DNAJB7: variants seen among roughly 807,000 people sequenced by gnomAD.
DNAJB7 encodes the protein DnaJ heat shock protein family (Hsp40) member B7, also known as dnaJ homolog subfamily B member 7.
In DNAJB7, 1 loss-of-function variant was observed where a neutral mutation model predicts 1.2. That is an observed-to-expected ratio of 0.84 (90% CI 0.30 to 4.01). The LOEUF (loss-of-function observed/expected upper bound fraction) is 4.01. Among genes scored for constraint, DNAJB7 ranks in the 30% most tolerant of loss-of-function variants. The pLI is 0.18. For synonymous variants in DNAJB7, 128 were observed against 127.7 expected (o/e 1.00, Z -0.01); for missense variants, 420 against 358.5 (o/e 1.17, Z -1.39).
Position 40,861,913 on chromosome 22 carries a change from G to A in DNAJB7, c.82C>T (p.Leu28Phe). Residue 28 changes from leucine (L) to phenylalanine (F), a missense_variant, in exon 1 of 1, where the codon CTT (leucine) becomes TTT (phenylalanine). Physicochemically the swap from Leu to Phe is conservative, Grantham distance 22. Transcript: ENST00000307221. ...GGATTTTTATCAGGGTGCCATTTAA[G>A]TGCCACTTTATGATAAGCTTTTTTA... The part of the protein sequence containing the change: ...DIKKAYHKVA[L>F]KWHPDKNPEN... 2.5e-6 allele frequency: 4 copies of A among 1,613,662 alleles called. No homozygotes were observed. The highest frequency in any genetic ancestry group is 3.4e-6 in the Non-Finnish European group (4 of 1,179,946).
chr22:40,859,733 A>T lies in DNAJB7; in HGVS notation c.*1332T>A, dbSNP rs1360158518. On this transcript the variant is annotated 3_prime_UTR_variant, in exon 1 of 1. Coordinates refer to ENST00000307221, the MANE Select transcript of DNAJB7 (RefSeq NM_145174.2). ...TCTTTTAAAAATAGCAGATATTATA[A>T]TTTTTTTCTAATTTCGCATTTGTAT... 2 of 152,156 alleles carry T rather than the reference A, an allele frequency of 1.3e-5. No homozygotes were observed. Among genetic ancestry groups the T allele is most frequent in the Non-Finnish European group, 2.9e-5 (2 of 68,020 alleles). 9.4% of individuals were successfully genotyped at this position (152,156 alleles called of 1,614,324 possible). A position where few individuals can be genotyped will look rare whatever the true frequency, so the allele number is the denominator to read the frequency against.
At position 40,860,877 on chromosome 22, in the gene DNAJB7, C is replaced by G; in HGVS notation, c.*188G>C. Reference sequence around the variant, plus strand: ...TACTGCCCAGGCAAATTCTTATTAGCACCAACTGTCACCACAAACTCATCC... The same window carrying G: ...TACTGCCCAGGCAAATTCTTATTAGGACCAACTGTCACCACAAACTCATCC... On this transcript the variant is annotated 3_prime_UTR_variant, in exon 1 of 1. Coordinates refer to ENST00000307221, the MANE Select transcript of DNAJB7 (RefSeq NM_145174.2). The G allele has an allele frequency of 1.5e-6, 1 of 665,588 alleles. No homozygotes were observed. Among genetic ancestry groups the G allele is most frequent in the Non-Finnish European group, 2.5e-6 (1 of 407,194 alleles). 41.2% of individuals were successfully genotyped at this position (665,588 alleles called of 1,614,324 possible).
rs2057940054 is a variant in DNAJB7, at chr22:40,860,901, C to T, written c.*164G>A. The T allele has an allele frequency of 2.8e-6, 2 of 703,718 alleles. No homozygotes were observed. Among genetic ancestry groups the T allele is most frequent in the Non-Finnish European group, 4.6e-6 (2 of 439,454 alleles). The allele number at this position is 703,718 out of a possible 1,614,324, so 43.6% of individuals were successfully genotyped here. A position where few individuals can be genotyped will look rare whatever the true frequency, so the allele number is the denominator to read the frequency against. On this transcript the variant is annotated 3_prime_UTR_variant, in exon 1 of 1. Coordinates refer to ENST00000307221, the MANE Select transcript of DNAJB7 (RefSeq NM_145174.2). Reference sequence around the variant, plus strand: ...GCACCAACTGTCACCACAAACTCATCCTTTTCTGACATACCCATTCAAAAA... The same window carrying T: ...GCACCAACTGTCACCACAAACTCATTCTTTTCTGACATACCCATTCAAAAA...
rs202011264 is a variant in DNAJB7 at position 40,860,656 on chromosome 22, C to CTTT, written c.*406_*408dup. On this transcript the variant is annotated 3_prime_UTR_variant, in exon 1 of 1. Transcript: ENST00000307221. The stretch of plus-strand genomic sequence containing the variant: ...AAACTCATTGCAGTTTTCCAAATTC[C>CTTT]TTTTTTTTTTTTTTAAGACAGGGTC... 4.3e-5 allele frequency: 49 copies of CTTT among 1,130,960 alleles called. No homozygotes were observed. Among genetic ancestry groups the CTTT allele is most frequent in the South Asian group, 1.0e-4 (6 of 59,974 alleles). The allele number at this position is 1,130,960 out of a possible 1,614,324, so 70.1% of individuals were successfully genotyped here.
At chr22:40,861,271 G>A in the DNAJB7 span, 19 of 1,614,130 alleles carry the variant, frequency 1.2e-5, no homozygotes, top group South Asian at 2.0e-4. Context: ...TTGAATGACT[G>A]TGTTCTCCAG....
In DNAJB7 at chr22:40,861,285, C is replaced by T. The variant is rs766378570; in HGVS notation, c.710G>A (p.Cys237Tyr). 2.2e-5 allele frequency: 36 copies of T among 1,614,148 alleles called. 1 individual carries two copies. The South Asian group carries it at 3.7e-4, about 17-fold the overall frequency. The change falls in exon 1 of 1, where the codon TGC (cysteine) becomes TAC (tyrosine). Residue 237 changes from cysteine to tyrosine, a missense_variant. Transcript: ENST00000307221. ...GTTGAATGACTGTGTTCTCCAGCTG[C>T]ATTCTTTTGCAAAGCCCTCTTCATT... ...VANEEGFAKECSWRTQSFNNY... is the reference protein window; with the variant it reads ...VANEEGFAKEYSWRTQSFNNY...
Position 40,861,125 on chromosome 22 carries a change from A to G in DNAJB7, c.870T>C (p.Gly290=). 1 of 1,611,728 alleles carries G rather than the reference A, an allele frequency of 6.2e-7. No individual in the cohort carries two copies. The highest frequency in any genetic ancestry group is 8.5e-7 in the Non-Finnish European group (1 of 1,179,386). The change falls in exon 1 of 1, where the codon GGT becomes GGC. Residue 290 remains glycine (G), a synonymous_variant. Coordinates refer to ENST00000307221, the MANE Select transcript of DNAJB7 (RefSeq NM_145174.2). The part of the protein sequence containing the change: ...PIFSAGVKEG[G]KRKKKKRKEV... ...CTTTACGCTTCTTTTTTTTCCTCTT[A>G]CCACCCTCTTTGACTCCTGCTGAGA...
rs200801188 is a variant in DNAJB7, at chr22:40,861,973, G to T, written c.22C>A (p.Leu8Ile). Residue 8 changes from leucine (L) to isoleucine (I), a missense_variant, in exon 1 of 1, where the codon CTA becomes ATA. Transcript: ENST00000307221. MVDYYEV[L>I]GLQRYASPED... ...GGTGAAGCATATCTTTGCAGTCCTA[G>T]AACTTCATAGTAATCCACCATGTTT... 29 of 1,601,198 alleles carry T rather than the reference G, an allele frequency of 1.8e-5. No individual in the cohort carries two copies. The African/African-American group carries it at 2.6e-4, about 14-fold the overall frequency.
rs550634591 is a variant in DNAJB7, at chr22:40,860,797, C to T, written c.*268G>A. The T allele has an allele frequency of 2.2e-5, 14 of 650,394 alleles. No individual in the cohort carries two copies. Among genetic ancestry groups the T allele is most frequent in the African/African-American group, 5.6e-5 (3 of 53,940 alleles). 40.3% of individuals were successfully genotyped at this position (650,394 alleles called of 1,614,324 possible). ...TCCCGAGTAGCTGGGACTACAGGTG[C>T]ACACCACCACACTTGGCTAATTTTT... On this transcript the variant is annotated 3_prime_UTR_variant, in exon 1 of 1. Transcript: ENST00000307221.
Position 40,860,670 on chromosome 22 carries a change from T to TTA in DNAJB7, c.*394_*395insTA. The TTA allele has an allele frequency of 8.4e-7, 1 of 1,195,236 alleles. No homozygotes were observed. Among genetic ancestry groups the TTA allele is most frequent in the Non-Finnish European group, 1.2e-6 (1 of 866,756 alleles). 74.0% of individuals were successfully genotyped at this position (1,195,236 alleles called of 1,614,324 possible). On this transcript the variant is annotated 3_prime_UTR_variant, in exon 1 of 1. Coordinates refer to ENST00000307221, the MANE Select transcript of DNAJB7 (RefSeq NM_145174.2). ...TTTCCAAATTCCTTTTTTTTTTTTT[T>TTA]AAGACAGGGTCTTACTTTGTCACCC... is the stretch of plus-strand genomic sequence containing the variant.
chr22:40,861,851 T>G lies in DNAJB7; in HGVS notation c.144A>C (p.Glu48Asp), dbSNP rs1465381674. The stretch of plus-strand genomic sequence containing the variant: ...ATAATACCTCGTATGCCTCAGCTAC[T>G]TCTTTGAATTTTCTCTCTGCTTCTT... ...NKEEAERKFK[E>D]VAEAYEVLSN... The change falls in exon 1 of 1, where the codon GAA becomes GAC. Residue 48 changes from glutamate (E) to aspartate (D), a missense_variant. Transcript: ENST00000307221. 6.2e-7 allele frequency: 1 copy of G among 1,613,768 alleles called. No homozygotes were observed. The highest frequency in any genetic ancestry group is 8.5e-7 in the Non-Finnish European group (1 of 1,179,974).
rs2057953631 is a variant in DNAJB7, at chr22:40,862,091, G to A, written c.-97C>T. 2.0e-6 allele frequency: 3 copies of A among 1,512,820 alleles called. No individual in the cohort carries two copies. Among genetic ancestry groups the A allele is most frequent in the East Asian group, 2.3e-5 (1 of 43,908 alleles). 93.7% of individuals were successfully genotyped at this position (1,512,820 alleles called of 1,614,324 possible). ...GGTGGTGGTGATAGAGGTAGTGACT[G>A]CAAATAGGTACACTTTTATGTTAAA... On this transcript the variant is annotated 5_prime_UTR_variant, in exon 1 of 1. Transcript: ENST00000307221.
chr22:40,861,884 TTC>T, the DNAJB7 span: 3 of 1,614,050 alleles, frequency 1.9e-6, no homozygotes, highest in Non-Finnish European at 2.5e-6. Context: ...CTTCTTTATT[TTC>T]TGGATTTTTA....
chr22:40,861,340 A>G lies in DNAJB7; in HGVS notation c.655T>C (p.Leu219=), dbSNP rs2057945021. The G allele has an allele frequency of 3.1e-6, 5 of 1,613,976 alleles. No homozygotes were observed. The highest frequency in any genetic ancestry group is 4.2e-6 in the Non-Finnish European group (5 of 1,179,998). ...QEREAEDNGE[L]TFFLVNSVAN... The stretch of plus-strand genomic sequence containing the variant: ...ACACTATTTACAAGAAAAAATGTCA[A>G]CTCTCCATTATCTTCAGCTTCTCTT... The change falls in exon 1 of 1, where the codon TTG becomes CTG. Residue 219 remains leucine, a synonymous_variant. Coordinates refer to ENST00000307221, the MANE Select transcript of DNAJB7 (RefSeq NM_145174.2).
At position 40,861,735 on chromosome 22, in the gene DNAJB7, C is replaced by G. The variant is rs141187399; in HGVS notation, c.260G>C (p.Gly87Ala). 961 of 1,613,842 alleles carry G rather than the reference C, an allele frequency of 6.0e-4. 14 individuals are homozygous for G. In the East Asian group the frequency reaches 0.017, roughly 28 times the overall value. ...GSHFDDECEY[G>A]FTFHKPDDVF... ...ATCATCTGGCTTATGGAATGTGAAG[C>G]CGTACTCACATTCATCATCAAAATG... Residue 87 changes from glycine to alanine, a missense_variant, in exon 1 of 1, where the codon GGC becomes GCC. Gly to Ala is a moderately conservative substitution (Grantham distance 60). Transcript: ENST00000307221.
chr22:40,861,745 A>G lies in DNAJB7; in HGVS notation c.250T>C (p.Cys84Arg), dbSNP rs200291636. The G allele has an allele frequency of 1.1e-4, 171 of 1,613,398 alleles. 1 individual carries two copies. Among genetic ancestry groups the G allele is most frequent in the Middle Eastern group, 1.6e-4 (1 of 6,082 alleles). Residue 84 changes from cysteine to arginine, a missense_variant, in exon 1 of 1, where the codon TGT (cysteine) becomes CGT (arginine). By Grantham distance (180) the Cys-to-Arg change is radical. Coordinates refer to ENST00000307221, the MANE Select transcript of DNAJB7 (RefSeq NM_145174.2). ...NGGGSHFDDE[C>R]EYGFTFHKPD... ...TTATGGAATGTGAAGCCGTACTCAC[A>G]TTCATCATCAAAATGACTTCCACCT... is the stretch of plus-strand genomic sequence containing the variant.
At position 40,861,060 on chromosome 22, in the gene DNAJB7, T is replaced by TC; in HGVS notation, c.*4dup. ...GTTCAAATGTTATATATTTGAAGAG[T>TC]CAATTTAACAATTCCTTTTGGTAGA... is the stretch of plus-strand genomic sequence containing the variant. On this transcript the variant is annotated 3_prime_UTR_variant, in exon 1 of 1. Coordinates refer to ENST00000307221, the MANE Select transcript of DNAJB7 (RefSeq NM_145174.2). 6.4e-7 allele frequency: 1 copy of TC among 1,570,784 alleles called. No individual in the cohort carries two copies.
Position 40,860,817 on chromosome 22 carries a change from A to C in DNAJB7, c.*248T>G. On this transcript the variant is annotated 3_prime_UTR_variant, in exon 1 of 1. Coordinates refer to ENST00000307221, the MANE Select transcript of DNAJB7 (RefSeq NM_145174.2). ...AGGTGCACACCACCACACTTGGCTA[A>C]TTTTTAAATTTTTTGTAGAGAAAAG... 1 of 637,660 alleles carries C rather than the reference A, an allele frequency of 1.6e-6. No individual in the cohort carries two copies. The highest frequency in any genetic ancestry group is 2.6e-6 in the Non-Finnish European group (1 of 388,060). The allele number at this position is 637,660 out of a possible 1,614,324, so 39.5% of individuals were successfully genotyped here.
In DNAJB7 at chr22:40,861,297, A is replaced by T; in HGVS notation, c.698T>A (p.Phe233Tyr). The change falls in exon 1 of 1, where the codon TTT becomes TAT. Residue 233 changes from phenylalanine (F) to tyrosine (Y), a missense_variant. Transcript: ENST00000307221. ...TGTTCTCCAGCTGCATTCTTTTGCA[A>T]AGCCCTCTTCATTGGCCACACTATT... ...LVNSVANEEG[F>Y]AKECSWRTQS... 6.2e-7 allele frequency: 1 copy of T among 1,614,170 alleles called. No homozygotes were observed. Among genetic ancestry groups the T allele is most frequent in the Non-Finnish European group, 8.5e-7 (1 of 1,180,036 alleles).
Sources: allele counts gnomAD v4.1 joint callset, GRCh38; gene constraint gnomAD v4.1.1; transcripts MANE v1.5; gene names NCBI Gene and HGNC (gene_info 2026-07-23, HGNC 2026-07-21).